The following GALNT5 variants were observed in gnomAD, a reference collection of about 807,000 sequenced individuals.
The protein encoded by GALNT5 is UDP-GalNAc:polypeptide N-acetylgalactosaminyltransferase 5.
In GALNT5, 72 loss-of-function variants were observed where a neutral mutation model predicts 85.4. That is an observed-to-expected ratio of 0.84 (90% CI 0.70 to 1.03). GALNT5 has a LOEUF of 1.03. Among genes scored for constraint, GALNT5 ranks in the 50% least tolerant of loss-of-function variants. The pLI, the probability that GALNT5 is intolerant of heterozygous loss-of-function variation, is 0.00. For synonymous variants in GALNT5, 404 were observed against 397.0 expected (o/e 1.02, Z -0.21); for missense variants, 1,137 against 1,135.5 (o/e 1.00, Z -0.02).
At chr2:157,302,407 C>T (rs904185121) in intron 7 of GALNT5, 6 of 152,114 alleles carry the variant, frequency 3.9e-5, no homozygotes, top group African/African-American at 1.4e-4. Context: ...TTTTAGATAA[C>T]GCACTGTATT....
intron 1 of GALNT5, among the ~76,000 whole-genome samples, chr2:157,273,215 A>T (rs1399107719): frequency 6.6e-6 from 1 of 152,148 alleles, no homozygotes; most frequent in Non-Finnish European, 1.5e-5. Context: ...GAGAATTAGA[A>T]TCTTATTTTG....
At chr2:157,282,793 C>CTAGG (rs1682884666) in intron 1 of GALNT5, among the ~76,000 whole-genome samples, 1 of 152,068 alleles carries the variant, frequency 6.6e-6, no homozygotes, top group African/African-American at 2.4e-5. Context: ...TATATCCTAT[C>CTAGG]TAGGTGGATG....
At chr2:157,305,063 T>C (rs1558904567) in intron 7 of GALNT5, among the ~76,000 whole-genome samples, 4 of 152,176 alleles carry the variant, frequency 2.6e-5, no homozygotes, top group African/African-American at 9.7e-5. Context: ...TTGTTAGCCC[T>C]GCCCAGGATG....
chr2:157,296,453 G>A lies in GALNT5; in HGVS notation c.1937G>A (p.Trp646Ter), dbSNP rs768807173. Residue 646 changes from tryptophan (W) to a stop codon, truncating the protein, a stop_gained, in exon 5 of 10, where the codon TGG (tryptophan) becomes TAG (stop). Transcript: ENST00000259056. LOFTEE classifies it high-confidence loss of function. ...GIFVWPMNFG[W>*]RTIPPDVIAK... Reference sequence around the variant, plus strand: ...TTTGTGTGGCCCATGAACTTTGGTTGGAGAACAATTCCTCCAGATGTCATT... The same window carrying A: ...TTTGTGTGGCCCATGAACTTTGGTTAGAGAACAATTCCTCCAGATGTCATT... The A allele has an allele frequency of 2.5e-6, 4 of 1,607,544 alleles. No homozygotes were observed. The highest frequency in any genetic ancestry group is 3.4e-6 in the Non-Finnish European group (4 of 1,174,108).
At position 157,290,085 on chromosome 2, in the gene GALNT5, ATGTAT is replaced by A. The variant is rs763196804; in HGVS notation, c.1741+3952_1741+3956del. Among the ~76,000 whole-genome samples, 176 of 19,712 alleles carry A rather than the reference ATGTAT, an allele frequency of 8.9e-3. 2 individuals are homozygous for A. The highest frequency in any genetic ancestry group is 0.02 in the African/African-American group (80 of 3,980). The allele number at this position is 19,712 out of a possible 152,430, so 12.9% of individuals were successfully genotyped here. A position where few individuals can be genotyped will look rare whatever the true frequency, so the allele number is the denominator to read the frequency against. ...CAAAATTCTGTCTCAAAAAAAAAAAATGTATATATATATATATATATATATATACA... is the reference window on the plus strand; with the variant it reads ...CAAAATTCTGTCTCAAAAAAAAAAAAATATATATATATATATATATATACA... On this transcript the variant is annotated intron_variant, in intron 3 of 9. Transcript: ENST00000259056.
chr2:157,266,117 T>C (rs754950141), intron 1 of GALNT5, among the ~76,000 whole-genome samples: 2 of 152,342 alleles, frequency 1.3e-5, no homozygotes, highest in East Asian at 3.9e-4. Context: ...GCACGTGATA[T>C]TTGCTCATTG....
rs1343458981 is a variant in GALNT5 at position 157,295,699 on chromosome 2, G to A, written c.1778G>A (p.Cys593Tyr). 1.2e-6 allele frequency: 2 copies of A among 1,612,982 alleles called. No homozygotes were observed. The highest frequency in any genetic ancestry group is 3.3e-5 in the Admixed American group (2 of 59,984). ...VLTFLDSHVE[C>Y]NVGWLEPLLE... Reference sequence around the variant, plus strand: ...ACATTTTTAGATTCTCATGTGGAATGTAACGTTGGTTGGTTGGAACCTCTT... The same window carrying A: ...ACATTTTTAGATTCTCATGTGGAATATAACGTTGGTTGGTTGGAACCTCTT... Residue 593 changes from cysteine to tyrosine, a missense_variant, in exon 4 of 10, where the codon TGT becomes TAT. Transcript: ENST00000259056.
At chr2:157,297,901 T>C (rs1363136786) in intron 5 of GALNT5, among the ~76,000 whole-genome samples, 7 of 152,190 alleles carry the variant, frequency 4.6e-5, no homozygotes, top group South Asian at 2.1e-4. Context: ...TGGAGACAGT[T>C]TGAATCTCAA....
chr2:157,299,508 A>G (rs1295459223), intron 5 of GALNT5, 40 bp from the exon 6 acceptor site: 3 of 1,185,296 alleles, frequency 2.5e-6, no homozygotes, highest in African/African-American at 3.0e-5. Context: ...TCGAGCTTTC[A>G]TGAGATGCAA....
intron 3 of GALNT5, among the ~76,000 whole-genome samples, chr2:157,287,140 T>A (rs181629275): frequency 2.6e-5 from 4 of 152,330 alleles, no homozygotes; most frequent in African/African-American, 7.2e-5. Context: ...CTAACTTTGT[T>A]AGTTAAGATG....
At chr2:157,293,022 T>C (rs1453253516) in intron 3 of GALNT5, among the ~76,000 whole-genome samples, 1 of 152,122 alleles carries the variant, frequency 6.6e-6, no homozygotes, top group Non-Finnish European at 1.5e-5. Context: ...TTCTACTACA[T>C]TGTATACCAC....
intron 4 of GALNT5, 25 bp downstream of exon 4, chr2:157,295,823 T>C (rs753258502): frequency 6.4e-7 from 1 of 1,560,138 alleles, no homozygotes; most frequent in African/African-American, 1.4e-5. Context: ...TTCCACAAGA[T>C]ACTTTCAAGC....
chr2:157,307,551 C>T (rs1683479402), intron 8 of GALNT5, among the ~76,000 whole-genome samples: 1 of 152,160 alleles, frequency 6.6e-6, no homozygotes, highest in African/African-American at 2.4e-5. Context: ...GAGTTTGTTA[C>T]ACTGCAGATT....
chr2:157,299,080 C>T (rs1683282870), intron 5 of GALNT5: 1 of 157,188 alleles, frequency 6.4e-6, no homozygotes, highest in African/African-American at 2.4e-5. Context: ...GAGACAGCCG[C>T]CTAGCCAGCT....
At chr2:157,267,274 C>T (rs1436769402) in intron 1 of GALNT5, among the ~76,000 whole-genome samples, 1 of 152,100 alleles carries the variant, frequency 6.6e-6, no homozygotes. Context: ...GTAAATGAGG[C>T]CACAGAAGTA....
chr2:157,260,484 A>G (rs1558887530), intron 1 of GALNT5, among the ~76,000 whole-genome samples: 1 of 151,982 alleles, frequency 6.6e-6, no homozygotes, highest in Non-Finnish European at 1.5e-5. Context: ...GGTTCCTGGC[A>G]TTTTTTTTCT....
intron 2 of GALNT5, 102 bp downstream of exon 2, chr2:157,284,550 C>A: frequency 1.2e-6 from 1 of 827,064 alleles, no homozygotes; most frequent in Non-Finnish European, 2.0e-6. Context: ...TTTGATGAAG[C>A]ATAAACATCG....
In GALNT5 at chr2:157,299,642, G is replaced by A; in HGVS notation, c.2092G>A (p.Glu698Lys). The part of the protein sequence containing the change: ...YDPGLDVWGG[E>K]NMELSFKVWM... The stretch of plus-strand genomic sequence containing the variant: ...CCCTGGCCTTGATGTTTGGGGTGGG[G>A]AAAATATGGAGCTCTCATTCAAGGT... The change falls in exon 6 of 10, where the codon GAA becomes AAA. Residue 698 changes from glutamate to lysine, a missense_variant. Coordinates refer to ENST00000259056, the MANE Select transcript of GALNT5 (RefSeq NM_014568.3). The A allele has an allele frequency of 6.3e-7, 1 of 1,599,620 alleles. No individual in the cohort carries two copies. Among genetic ancestry groups the A allele is most frequent in the Non-Finnish European group, 8.6e-7 (1 of 1,167,392 alleles).
chr2:157,302,376 A>G (rs1683362458), intron 7 of GALNT5: 1 of 152,208 alleles, frequency 6.6e-6, no homozygotes, highest in South Asian at 2.1e-4. Context: ...TTCAACTGAT[A>G]AATAAGTTTA....
Sources: gnomAD v4.1 joint callset for allele counts (sites outside exome capture counted in the v4.1 genomes callset) on GRCh38, gnomAD v4.1.1 for gene constraint, MANE v1.5 for transcripts, NCBI Gene and HGNC (gene_info 2026-07-23, HGNC 2026-07-21) for gene names.